Variants in CNPY1 observed in about 807,000 individuals in gnomAD.
CNPY1 encodes the protein canopy FGF signaling regulator 1.
A neutral mutation model predicts 14.4 loss-of-function variants in CNPY1; 14 were observed. The observed-to-expected ratio is 0.97, with a 90% CI of 0.64 to 1.52. CNPY1 has a LOEUF of 1.52. CNPY1 is among the 40% of genes most tolerant of loss of function. CNPY1 has a pLI of 0.00. For synonymous variants in CNPY1, 43 were observed against 46.5 expected (o/e 0.92, Z 0.31); for missense variants, 129 against 131.5 (o/e 0.98, Z 0.09).
At chr7:155,523,469 C>T (rs1395747503) in intron 2 of CNPY1, among the ~76,000 whole-genome samples, 9 of 152,302 alleles carry the variant, frequency 5.9e-5, no homozygotes, top group Admixed American at 3.9e-4. Context: ...CCACCAGGGC[C>T]GTGTGGGAGG....
rs1015336030 is a variant in CNPY1 at position 155,501,447 on chromosome 7, A to G, written c.*1621T>C. 3 of 152,232 alleles carry G rather than the reference A, an allele frequency of 2.0e-5. No homozygotes were observed. The highest frequency in any genetic ancestry group is 7.2e-5 in the African/African-American group (3 of 41,462). 9.4% of individuals were successfully genotyped at this position (152,232 alleles called of 1,614,324 possible). ...AACACTTCTACGGTTACGACCGTGA[A>G]CAGTTTTCACTGAAGCTTACTTAGT... is the stretch of plus-strand genomic sequence containing the variant. On this transcript the variant is annotated 3_prime_UTR_variant, in exon 5 of 5. Transcript: ENST00000636446.
chr7:155,508,287 T>C (rs562473325), intron 3 of CNPY1, among the ~76,000 whole-genome samples: 29 of 152,354 alleles, frequency 1.9e-4, no homozygotes, highest in African/African-American at 7.0e-4. Flanking sequence ...AAATTTGGCA[T>C]CAGGCTAACT....
At chr7:155,504,847 T>C (rs1408593072) in intron 4 of CNPY1, among the ~76,000 whole-genome samples, 2 of 152,198 alleles carry the variant, frequency 1.3e-5, no homozygotes, top group African/African-American at 4.8e-5. Flanking sequence ...ATATTCTGGT[T>C]GTAAACTGGC....
chr7:155,532,021 C>G (rs764896501), intron 2 of CNPY1, among the ~76,000 whole-genome samples: 31 of 152,230 alleles, frequency 2.0e-4, no homozygotes, highest in Non-Finnish European at 3.7e-4. Flanking sequence ...TCCAGACTGA[C>G]AGCTTGAGCA....
At chr7:155,516,018 T>TC (rs1796615827) in intron 2 of CNPY1, among the ~76,000 whole-genome samples, 1 of 148,202 alleles carries the variant, frequency 6.7e-6, no homozygotes, top group South Asian at 2.1e-4. Context: ...CGTGTGTGTG[T>TC]CCCCCCTCCT....
At chr7:155,513,739 G>C (rs1459760190) in intron 2 of CNPY1, among the ~76,000 whole-genome samples, 1 of 151,236 alleles carries the variant, frequency 6.6e-6, no homozygotes, top group Non-Finnish European at 1.5e-5. Context: ...AAAAAAAAAG[G>C]CGTAATGAAT....
At chr7:155,512,248 C>T (rs1381330437) in intron 2 of CNPY1, among the ~76,000 whole-genome samples, 4 of 152,162 alleles carry the variant, frequency 2.6e-5, no homozygotes, top group Admixed American at 2.0e-4. Flanking sequence ...TTCTTATCTG[C>T]CATTGCTTTT....
In CNPY1 at chr7:155,507,071, T is replaced by C. The variant is rs1430107933; in HGVS notation, c.349A>G (p.Ile117Val). 3.1e-6 allele frequency: 5 copies of C among 1,612,592 alleles called. No homozygotes were observed. Among genetic ancestry groups the C allele is most frequent in the South Asian group, 1.1e-5 (1 of 91,044 alleles). Residue 117 changes from isoleucine (I) to valine (V), a missense_variant, in exon 4 of 5, where the codon ATC (isoleucine) becomes GTC (valine). Coordinates refer to ENST00000636446, the MANE Select transcript of CNPY1 (RefSeq NM_001393663.1). ...GCTAGATAGTGTGTCTCCTGGGCGATAAGTGAGGATATTTCATCTTCATAC... is the reference window on the plus strand; with the variant it reads ...GCTAGATAGTGTGTCTCCTGGGCGACAAGTGAGGATATTTCATCTTCATAC... ...EEYEDEISSL[I>V]AQETHYLADK...
chr7:155,525,856 T>C (rs183512549), intron 2 of CNPY1, among the ~76,000 whole-genome samples: 1 of 152,374 alleles, frequency 6.6e-6, no homozygotes, highest in Non-Finnish European at 1.5e-5. Context: ...CTCCTCTGTT[T>C]TTCTTGACAT....
intron 4 of CNPY1, among the ~76,000 whole-genome samples, chr7:155,503,956 G>A (rs1172726066): frequency 6.6e-6 from 1 of 152,006 alleles, no homozygotes; most frequent in African/African-American, 2.4e-5. Flanking sequence ...TTTTCATCAC[G>A]ACCCTATAGC....
intron 2 of CNPY1, among the ~76,000 whole-genome samples, chr7:155,520,876 CA>C (rs1796707477): frequency 6.6e-6 from 1 of 152,042 alleles, no homozygotes; most frequent in Non-Finnish European, 1.5e-5. Flanking sequence ...CCTATAATCC[CA>C]GCACTTTGGG....
In CNPY1 at chr7:155,514,900, ATAAAG is replaced by A. The variant is rs200875675; in HGVS notation, c.100-5808_100-5804del. Among the ~76,000 whole-genome samples the A allele has an allele frequency of 9.8e-3, 1,494 of 152,282 alleles. 22 individuals are homozygous for A. The highest frequency in any genetic ancestry group is 0.034 in the African/African-American group (1,398 of 41,542). On this transcript the variant is annotated intron_variant, in intron 2 of 4. Coordinates refer to ENST00000636446, the MANE Select transcript of CNPY1 (RefSeq NM_001393663.1). ...CAAGAGCAAAACTCTGTCTCAAAAA[ATAAAG>A]TAAAATAAAATAAAATAAAATAAAA...
In CNPY1 at chr7:155,508,951, G is replaced by T. The variant is rs758605050; in HGVS notation, c.246C>A (p.Tyr82Ter). 1 of 1,613,568 alleles carries T rather than the reference G, an allele frequency of 6.2e-7. No homozygotes were observed. The highest frequency in any genetic ancestry group is 2.2e-5 in the East Asian group (1 of 44,884). The part of the protein sequence containing the change: ...RFAPRKGDKI[Y>*]QEFKKLYFYS... ...AAAAATACAATTTTTTAAATTCTTG[G>T]TATATTTTGTCTCCTTTCCTAGGAG... The change falls in exon 3 of 5, where the codon TAC (tyrosine) becomes TAA (stop). Residue 82 changes from tyrosine to a stop codon, truncating the protein, a stop_gained. Transcript: ENST00000636446. LOFTEE classifies it high-confidence loss of function.
At chr7:155,540,611 C>T (rs949834447) in intron 2 of CNPY1, among the ~76,000 whole-genome samples, 4 of 152,238 alleles carry the variant, frequency 2.6e-5, no homozygotes, top group Non-Finnish European at 5.9e-5. Flanking sequence ...GAGAGCGAGG[C>T]CTTGCTCTCA....
chr7:155,507,471 TAAAAAAAAAAAAAAA>T lies in CNPY1; in HGVS notation c.304-370_304-356del, dbSNP rs35711313. Among the ~76,000 whole-genome samples the T allele has an allele frequency of 4.1e-3, 223 of 54,154 alleles. 2 individuals carry two copies. Among genetic ancestry groups the T allele is most frequent in the Middle Eastern group, 0.037 (2 of 54 alleles). The allele number at this position is 54,154 out of a possible 152,430, so 35.5% of individuals were successfully genotyped here. A position where few individuals can be genotyped will look rare whatever the true frequency, so the allele number is the denominator to read the frequency against. Reference sequence around the variant, plus strand: ...CTGAAAAGTCCAACGGTTTTTAAACTAAAAAAAAAAAAAAAAAAAAAAAAAAAAGAAGACCACAGC... The same window carrying T: ...CTGAAAAGTCCAACGGTTTTTAAACTAAAAAAAAAAAAAGAAGACCACAGC... On this transcript the variant is annotated intron_variant, in intron 3 of 4. Coordinates refer to ENST00000636446, the MANE Select transcript of CNPY1 (RefSeq NM_001393663.1).
chr7:155,527,030 TTTTC>T (rs1554449557), intron 2 of CNPY1, among the ~76,000 whole-genome samples: 6 of 83,268 alleles, frequency 7.2e-5, no homozygotes, highest in African/African-American at 1.0e-4. Flanking sequence ...TTCTTTTCTT[TTTTC>T]TTTCTTTCTT....
chr7:155,513,976 AC>A (rs1381725401), intron 2 of CNPY1, among the ~76,000 whole-genome samples: 2 of 152,200 alleles, frequency 1.3e-5, no homozygotes, highest in Non-Finnish European at 2.9e-5. Context: ...CATAAGCTTA[AC>A]CTCTGTTAAA....
chr7:155,527,054 C>CTTTCTTTCTTTCTTTTTT (rs56296833), intron 2 of CNPY1, among the ~76,000 whole-genome samples: 21 of 90,358 alleles, frequency 2.3e-4, no homozygotes, highest in Non-Finnish European at 2.8e-4. Context: ...TTCTTTCTTT[C>CTTTCTTTCTTTCTTTTTT]TTTTTTTTTT....
At chr7:155,540,733 T>G (rs1215433072) in intron 2 of CNPY1, among the ~76,000 whole-genome samples, 1 of 152,198 alleles carries the variant, frequency 6.6e-6, no homozygotes, top group Non-Finnish European at 1.5e-5. Context: ...GCCCTGGTCA[T>G]CCTGTATCCA....
Sources: gnomAD v4.1 joint callset for allele counts (sites outside exome capture counted in the v4.1 genomes callset) on GRCh38, gnomAD v4.1.1 for gene constraint, MANE v1.5 for transcripts, NCBI Gene and HGNC (gene_info 2026-07-23, HGNC 2026-07-21) for gene names.